CLTRN: variants seen among roughly 807,000 people sequenced by gnomAD.
CLTRN encodes the protein collectrin, amino acid transport regulator.
In CLTRN, 12 loss-of-function variants were observed where a neutral mutation model predicts 14.5. The observed-to-expected ratio is 0.83, with a 90% CI of 0.53 to 1.34. The LOEUF (loss-of-function observed/expected upper bound fraction) is 1.34, where lower values mean the gene tolerates loss of function less well. CLTRN is among the 40% of genes most tolerant of loss of function. The pLI is 0.00. For missense variants in CLTRN, 154 were observed against 165.1 expected (o/e 0.93, Z 0.37); for synonymous variants, 58 against 56.5 (o/e 1.03, Z -0.12).
upstream of CLTRN, among the ~76,000 whole-genome samples, chrX:15,675,376 G>A (rs1158615621): frequency 9.1e-6 from 1 of 109,883 alleles, no homozygotes; most frequent in Non-Finnish European, 1.9e-5. Context: ...GCGCGAAAAG[G>A]GAAGTAGGGA....
In CLTRN at chrX:15,646,682, T is replaced by C. The variant is rs758114348; in HGVS notation, c.204-1653A>G. 636 of 339,542 alleles carry C rather than the reference T, an allele frequency of 1.9e-3. 4 individuals carry two copies. The highest frequency in any genetic ancestry group is 0.016 in the African/African-American group (584 of 37,423). 28.0% of individuals were successfully genotyped at this position (339,542 alleles called of 1,213,427 possible). A position where few individuals can be genotyped will look rare whatever the true frequency, so the allele number is the denominator to read the frequency against. On this transcript the variant is annotated intron_variant, in intron 3 of 5. Transcript: ENST00000380342. ...GCATCCGCGTCCTGAGAGAGATGGT[T>C]CCCGAGGCCTGGAGGTGCTTTCCCA...
chrX:15,654,785 C>T (rs1343762947), intron 3 of CLTRN, among the ~76,000 whole-genome samples: 1 of 112,516 alleles, frequency 8.9e-6, no homozygotes, highest in Non-Finnish European at 1.9e-5. Flanking sequence ...CAGTGTGGGA[C>T]CTGGTCTTAG....
chrX:15,662,568 T>C (rs1929532605), intron 2 of CLTRN, among the ~76,000 whole-genome samples: 1 of 111,919 alleles, frequency 8.9e-6, no homozygotes, highest in African/African-American at 3.3e-5. Context: ...CAAATCATTT[T>C]ACTCAGTCTT....
chrX:15,649,035 T>C (rs1431921367), intron 3 of CLTRN, among the ~76,000 whole-genome samples: 1 of 112,023 alleles, frequency 8.9e-6, no homozygotes, highest in Non-Finnish European at 1.9e-5. Flanking sequence ...TTTCATGGTA[T>C]TCCCCATTAC....
chrX:15,638,634 G>A (rs989233178), intron 5 of CLTRN, among the ~76,000 whole-genome samples: 1 of 111,858 alleles, frequency 8.9e-6, no homozygotes, highest in African/African-American at 3.2e-5. Flanking sequence ...TTAAAGTCTA[G>A]TGAAAAGCTG....
chrX:15,667,628 C>T (rs755284673), upstream of CLTRN, among the ~76,000 whole-genome samples: 2 of 112,657 alleles, frequency 1.8e-5, no homozygotes, highest in South Asian at 7.3e-4. Flanking sequence ...TGTGTAAATA[C>T]ATGTACATTT....
chrX:15,665,474 C>G (rs1929603467), upstream of CLTRN, among the ~76,000 whole-genome samples: 1 of 112,473 alleles, frequency 8.9e-6, no homozygotes, highest in Non-Finnish European at 1.9e-5. Context: ...CCTGCACATT[C>G]ACACATAGGG....
At chrX:15,642,469 G>T (rs1928964506) in intron 4 of CLTRN, among the ~76,000 whole-genome samples, 1 of 112,309 alleles carries the variant, frequency 8.9e-6, no homozygotes, top group Non-Finnish European at 1.9e-5. Flanking sequence ...TGAGAATTTT[G>T]TAATTCTCAT....
At chrX:15,674,998 C>T (rs1929800252) in exon 1 of CLTRN, 2 of 112,928 alleles carry the variant, frequency 1.8e-5, no homozygotes, top group South Asian at 3.5e-4. Flanking sequence ...CCAGAGGGGT[C>T]TTGCCTGTTC....
chrX:15,661,626 T>C (rs1365035328), intron 2 of CLTRN, among the ~76,000 whole-genome samples: 1 of 112,465 alleles, frequency 8.9e-6, no homozygotes, highest in African/African-American at 3.2e-5. Context: ...TAAGAGAGGA[T>C]AAGGTAAGAG....
At chrX:15,653,127 A>T (rs1167379331) in intron 3 of CLTRN, among the ~76,000 whole-genome samples, 3 of 111,219 alleles carry the variant, frequency 2.7e-5, no homozygotes, top group African/African-American at 6.5e-5. Flanking sequence ...ATATGAACAA[A>T]TTTTTTTCTT....
chrX:15,646,458 A>ACCCCCC, intron 3 of CLTRN: 17 of 228,785 alleles, frequency 7.4e-5, no homozygotes, highest in Admixed American at 3.0e-4. Context: ...AAAACCGCGC[A>ACCCCCC]CCCACCCCCC....
intron 1 of CLTRN, among the ~76,000 whole-genome samples, chrX:15,674,411 C>G (rs967087828): frequency 9.0e-6 from 1 of 111,722 alleles, no homozygotes; most frequent in Non-Finnish European, 1.9e-5. Context: ...CTCCATGTAT[C>G]TCCCTAGCAT....
intron 3 of CLTRN, among the ~76,000 whole-genome samples, chrX:15,656,645 C>T (rs1445979054): frequency 9.0e-6 from 1 of 111,007 alleles, no homozygotes; most frequent in African/African-American, 3.3e-5. Flanking sequence ...GCAGCCTCTC[C>T]GCAAAGCTAT....
chrX:15,669,153 A>G (rs1384876672), upstream of CLTRN, among the ~76,000 whole-genome samples: 1 of 111,894 alleles, frequency 8.9e-6, no homozygotes, highest in African/African-American at 3.2e-5. Context: ...AAATAAATGG[A>G]AAACAGAACT....
intron 5 of CLTRN, among the ~76,000 whole-genome samples, chrX:15,629,421 A>T (rs896904241): frequency 1.8e-5 from 2 of 110,738 alleles, no homozygotes; most frequent in African/African-American, 6.6e-5. Context: ...AAAGTATAAT[A>T]AAAAAAAATT....
upstream of CLTRN, chrX:15,664,877 A>G (rs765141540): frequency 1.6e-4 from 116 of 712,682 alleles, no homozygotes; most frequent in African/African-American, 2.4e-3. Flanking sequence ...AATATCAGAG[A>G]AACAAGCGAG....
chrX:15,637,401 A>C (rs1329399798), intron 5 of CLTRN, among the ~76,000 whole-genome samples: 1 of 111,836 alleles, frequency 8.9e-6, no homozygotes, highest in Non-Finnish European at 1.9e-5. Context: ...AATTGTGTCA[A>C]ACTTAAAACA....
intron 1 of CLTRN, among the ~76,000 whole-genome samples, chrX:15,674,712 G>T (rs1929787317): frequency 8.9e-6 from 1 of 112,888 alleles, no homozygotes; most frequent in Admixed American, 9.3e-5. Flanking sequence ...AGACTGGTGG[G>T]CCCCTCCAAC....
Sources: allele counts gnomAD v4.1 joint callset (sites outside exome capture counted in the v4.1 genomes callset), GRCh38; gene constraint gnomAD v4.1.1; transcripts MANE v1.5; gene names NCBI Gene and HGNC (gene_info 2026-07-23, HGNC 2026-07-21).